Variants in POLE observed in about 807,000 individuals in gnomAD.
The protein encoded by POLE is DNA polymerase epsilon catalytic subunit A.
Under a neutral mutation model 279.2 loss-of-function variants are expected in POLE, and 188 were observed. The observed-to-expected ratio is 0.67, with a 90% CI of 0.60 to 0.76. POLE has a LOEUF of 0.76. Ranked by LOEUF, POLE falls within the 30% of genes least tolerant of loss-of-function variation. POLE has a pLI of 0.00. For synonymous variants in POLE, 1,214 were observed against 1,172.5 expected (o/e 1.04, Z -0.72); for missense variants, 2,703 against 3,016.7 (o/e 0.90, Z 2.44).
At chr12:132,646,161 G>A (rs11146989) in intron 32 of POLE, among the ~76,000 whole-genome samples, 103,978 of 152,076 alleles carry the variant, frequency 0.68, 36,689 homozygotes, top group African/African-American at 0.85. Flanking sequence ...TGAGTCTCAA[G>A]AAGATATTGA....
At chr12:132,640,863 C>T (rs1235683972) in intron 39 of POLE, among the ~76,000 whole-genome samples, 1 of 152,206 alleles carries the variant, frequency 6.6e-6, no homozygotes, top group African/African-American at 2.4e-5. Flanking sequence ...ACCCTGCTCC[C>T]GGCTCCCAAC....
Position 132,675,378 on chromosome 12 carries a change from T to C in POLE, c.1226+20A>G, listed in dbSNP as rs1291733243. On this transcript the variant is annotated intron_variant, in intron 12 of 48. Transcript: ENST00000320574. The surrounding 1 kb of genome is among the most constrained non-coding windows in gnomAD (Gnocchi z 4.3). ...GCTCACGGACAGCAGTGAGGAGCCATGCTGCTCTGTGGCCCCTACCTGAGG... is the reference window on the plus strand; with the variant it reads ...GCTCACGGACAGCAGTGAGGAGCCACGCTGCTCTGTGGCCCCTACCTGAGG... 7 of 1,612,830 alleles carry C rather than the reference T, an allele frequency of 4.3e-6. No homozygotes were observed. The highest frequency in any genetic ancestry group is 1.3e-5 in the African/African-American group (1 of 74,928).
Position 132,677,626 on chromosome 12 carries a change from G to C in POLE, c.672C>G (p.Tyr224Ter), listed in dbSNP as rs376923206. 1 of 1,614,034 alleles carries C rather than the reference G, an allele frequency of 6.2e-7. No homozygotes were observed. Among genetic ancestry groups the C allele is most frequent in the African/African-American group, 1.3e-5 (1 of 74,916 alleles). Reference protein sequence around the residue: ...QLDNIVDMREYDVPYHIRLSI... With the variant: ...QLDNIVDMRE ...AGAGGCGGATGTGGTAGGGAACATC[G>C]TACTCGCGCATGTCCACAATGTTGT... is the stretch of plus-strand genomic sequence containing the variant. Residue 224 changes from tyrosine (Y) to a stop codon, truncating the protein, a stop_gained, in exon 7 of 49, where the codon TAC (tyrosine) becomes TAG (stop). Transcript: ENST00000320574. LOFTEE classifies it high-confidence loss of function.
At chr12:132,632,179 C>T (rs373020604) in intron 45 of POLE, 136 bp downstream of exon 45, 60 of 681,934 alleles carry the variant, frequency 8.8e-5, no homozygotes, top group African/African-American at 5.9e-4. Context: ...ACAGGTATGT[C>T]GGTGTCCTTA....
At chr12:132,631,483 T>TA (rs2041932201) in intron 45 of POLE, among the ~76,000 whole-genome samples, 1 of 152,168 alleles carries the variant, frequency 6.6e-6, no homozygotes, top group South Asian at 2.1e-4. Context: ...AATGGTGAGC[T>TA]AAAAACACTT....
At position 132,677,301 on chromosome 12, in the gene POLE, G is replaced by A. The variant is rs112156123; in HGVS notation, c.801+62C>T. The A allele has an allele frequency of 0.021, 24,545 of 1,185,766 alleles. 341 individuals are homozygous for A. Among genetic ancestry groups the A allele is most frequent in the Non-Finnish European group, 0.026 (20,733 of 788,270 alleles). The allele number at this position is 1,185,766 out of a possible 1,614,324, so 73.5% of individuals were successfully genotyped here. On this transcript the variant is annotated intron_variant, in intron 8 of 48. Coordinates refer to ENST00000320574, the MANE Select transcript of POLE (RefSeq NM_006231.4). ...TGAGTCAGATTCACTCTCCAGCACT[G>A]AAGAATATTCTCTCCAGAAAACTGG...
intron 33 of POLE, 88 bp downstream of exon 33, chr12:132,643,749 C>T (rs2138556431): frequency 6.6e-7 from 1 of 1,508,382 alleles, no homozygotes; most frequent in Admixed American, 1.9e-5. Flanking sequence ...GCTGCTGTTC[C>T]CCAGCCCACA....
At chr12:132,642,072 G>T in intron 38 of POLE, 105 bp downstream of exon 38, 1 of 1,110,724 alleles carries the variant, frequency 9.0e-7, no homozygotes, top group Non-Finnish European at 1.3e-6. Context: ...TGACCTGCGC[G>T]GTCGAACTCT....
At chr12:132,647,927 A>G (rs892639531) in intron 32 of POLE, among the ~76,000 whole-genome samples, 2 of 152,242 alleles carry the variant, frequency 1.3e-5, no homozygotes, top group East Asian at 1.9e-4. Flanking sequence ...CTATATGCAC[A>G]TTCTACTGAA....
intron 29 of POLE, among the ~76,000 whole-genome samples, chr12:132,653,858 A>AC (rs2042475642): frequency 9.5e-6 from 1 of 104,856 alleles, no homozygotes; most frequent in African/African-American, 5.0e-5. Flanking sequence ...TGATTGTTCA[A>AC]ACTTTAACAT....
intron 43 of POLE, chr12:132,633,680 A>T (rs1006720247): frequency 1.3e-5 from 2 of 153,350 alleles, no homozygotes; most frequent in Admixed American, 6.5e-5. Context: ...GATACACTTC[A>T]TCTGCACACT....
rs2041989626 is a variant in POLE, at chr12:132,634,223, T to C, written c.5967A>G (p.Ala1989=). 1.2e-6 allele frequency: 2 copies of C among 1,613,948 alleles called. No individual in the cohort carries two copies. Among genetic ancestry groups the C allele is most frequent in the Non-Finnish European group, 1.7e-6 (2 of 1,179,802 alleles). The change falls in exon 43 of 49, where the codon GCA becomes GCG. Residue 1989 remains alanine (A), a synonymous_variant. Transcript: ENST00000320574. This position sits in a 1 kb window ranked among gnomAD's most constrained non-coding sequence, Gnocchi z 4.0. ...TGAGGAAGTAGTTCTGGCAGGAGGCTGCCTGTGGCAAAAACTGCAAAATGT... is the reference window on the plus strand; with the variant it reads ...TGAGGAAGTAGTTCTGGCAGGAGGCCGCCTGTGGCAAAAACTGCAAAATGT... ...NWNILQFLPQ[A]ASCQNYFLMI... is the part of the protein sequence containing the mutation.
intron 42 of POLE, among the ~76,000 whole-genome samples, chr12:132,635,195 C>T (rs892170539): frequency 2.6e-5 from 4 of 152,124 alleles, no homozygotes; most frequent in South Asian, 2.1e-4. Context: ...ACCATGAGCC[C>T]CAGCCAGACG....
chr12:132,652,450 T>C (rs1402979443), intron 29 of POLE, among the ~76,000 whole-genome samples: 1 of 151,350 alleles, frequency 6.6e-6, no homozygotes. Context: ...GCCTCCCAAG[T>C]AGCTGGGACT....
In POLE at chr12:132,665,323, T is replaced by C. The variant is rs755607339; in HGVS notation, c.2447A>G (p.Tyr816Cys). ...LAHKCILNSF[Y>C]GYVMRKGARW... ...CTACCCCTTGCGCATGACATAGCCA[T>C]AGAAGGAGTTCAGGATGCACTTGTG... The change falls in exon 21 of 49, where the codon TAT becomes TGT. Residue 816 changes from tyrosine to cysteine, a missense_variant. Physicochemically the swap from Tyr to Cys is radical, Grantham distance 194. Around this residue, in one of 5 missense-constraint regions of POLE, gnomAD observed 1,011 missense variants for 1,111.7 expected, o/e 0.91. Transcript: ENST00000320574. 2 of 1,613,940 alleles carry C rather than the reference T, an allele frequency of 1.2e-6. No homozygotes were observed. The highest frequency in any genetic ancestry group is 8.5e-7 in the Non-Finnish European group (1 of 1,179,972).
intron 45 of POLE, among the ~76,000 whole-genome samples, chr12:132,627,339 C>T (rs2041858791): frequency 6.6e-6 from 1 of 152,042 alleles, no homozygotes; most frequent in East Asian, 1.9e-4. Context: ...CACTCTGTCA[C>T]CCAGAATGGA....
chr12:132,648,767 C>G, intron 32 of POLE, 162 bp downstream of exon 32: 1 of 736,036 alleles, frequency 1.4e-6, no homozygotes, highest in Non-Finnish European at 2.2e-6. Flanking sequence ...ACTCGCTCTG[C>G]CCCAGGCTCG....
intron 45 of POLE, among the ~76,000 whole-genome samples, chr12:132,630,809 A>G (rs928034171): frequency 4.6e-5 from 7 of 152,222 alleles, no homozygotes; most frequent in Non-Finnish European, 8.8e-5. Flanking sequence ...AATAGCTGCA[A>G]TTTAAAAACC....
At chr12:132,643,593 C>A (rs759585390) in intron 33 of POLE, 33 bp from the exon 34 acceptor site, 1 of 1,612,808 alleles carries the variant, frequency 6.2e-7, no homozygotes, top group Admixed American at 1.7e-5. Context: ...CCGGCAAGGG[C>A]TGGATGGTGG....
Sources: gnomAD v4.1 joint callset for allele counts (sites outside exome capture counted in the v4.1 genomes callset) on GRCh38, gnomAD v4.1.1 for gene constraint, gnomAD v4.1.1 regional missense constraint, Gnocchi (gnomAD v3.1) non-coding constraint, MANE v1.5 for transcripts, NCBI Gene and HGNC (gene_info 2026-07-23, HGNC 2026-07-21) for gene names.